Variants in ANKS1B observed in about 807,000 individuals in gnomAD.
ANKS1B encodes ankyrin repeat and sterile alpha motif domain-containing protein 1B.
A neutral mutation model predicts 148.3 loss-of-function variants in ANKS1B; 36 were observed. That is an observed-to-expected ratio of 0.24 (90% CI 0.19 to 0.32). ANKS1B has a LOEUF of 0.32. Ranked by LOEUF, ANKS1B falls within the 10% of genes least tolerant of loss-of-function variation. ANKS1B has a pLI of 1.00. For synonymous variants in ANKS1B, 542 were observed against 560.8 expected (o/e 0.97, Z 0.47); for missense variants, 1,157 against 1,542.6 (o/e 0.75, Z 4.19).
At chr12:99,779,703 A>G (rs988065873) in intron 6 of ANKS1B, among the ~76,000 whole-genome samples, 168 bp downstream of exon 6, 2 of 152,204 alleles carry the variant, frequency 1.3e-5, no homozygotes, top group Non-Finnish European at 2.9e-5. Context: ...AAACAAAAAT[A>G]AAACATTAAA....
At chr12:99,266,692 G>C (rs1330579781) in intron 12 of ANKS1B, among the ~76,000 whole-genome samples, 1 of 152,110 alleles carries the variant, frequency 6.6e-6, no homozygotes, top group Admixed American at 6.5e-5. Context: ...CCACTACCAA[G>C]TCTACAGTCA....
At chr12:99,259,653 T>A (rs190645088) in intron 12 of ANKS1B, among the ~76,000 whole-genome samples, 174 of 152,384 alleles carry the variant, frequency 1.1e-3, no homozygotes, top group Non-Finnish European at 1.9e-3. Flanking sequence ...CTGGGCAGAC[T>A]GTATTACTAA....
chr12:98,778,005 G>GTTC (rs1566376491), intron 24 of ANKS1B, among the ~76,000 whole-genome samples: 1 of 152,156 alleles, frequency 6.6e-6, no homozygotes, highest in Non-Finnish European at 1.5e-5. Flanking sequence ...AGTTTTAGTC[G>GTTC]TTCTTCACGA....
intron 11 of ANKS1B, among the ~76,000 whole-genome samples, chr12:99,422,831 A>T (rs61561979): frequency 0.11 from 16,816 of 152,148 alleles, 2,465 homozygotes; most frequent in African/African-American, 0.33. Flanking sequence ...TATTAAAGAG[A>T]TAAGAACAAA....
chr12:99,196,960 C>T (rs2153891576), intron 14 of ANKS1B, among the ~76,000 whole-genome samples: 1 of 152,220 alleles, frequency 6.6e-6, no homozygotes, highest in South Asian at 2.1e-4. Flanking sequence ...ACAGATAATT[C>T]CAGGCTTATA....
intron 25 of ANKS1B, among the ~76,000 whole-genome samples, chr12:98,757,939 T>TGTGTGTGTGTGTGTGTGCGCAC (rs59996852): frequency 1.7e-5 from 2 of 115,954 alleles, no homozygotes; most frequent in Non-Finnish European, 3.6e-5. Context: ...TGTGTGCACG[T>TGTGTGTGTGTGTGTGTGCGCAC]GTGTGTGTGT....
chr12:99,146,876 G>T (rs1480787220), intron 15 of ANKS1B, among the ~76,000 whole-genome samples: 1 of 152,144 alleles, frequency 6.6e-6, no homozygotes, highest in Non-Finnish European at 1.5e-5. Flanking sequence ...GCTCGAAACT[G>T]AAAGTAGGGT....
At chr12:98,815,693 G>A (rs1594568286) in intron 19 of ANKS1B, among the ~76,000 whole-genome samples, 1 of 152,056 alleles carries the variant, frequency 6.6e-6, no homozygotes, top group South Asian at 2.1e-4. Context: ...AGTTCCTCAG[G>A]TTCACAATGC....
chr12:99,248,144 T>C (rs1008345130), intron 12 of ANKS1B, among the ~76,000 whole-genome samples: 2 of 152,124 alleles, frequency 1.3e-5, no homozygotes, highest in Non-Finnish European at 2.9e-5. Context: ...GGCCAAAATA[T>C]CGAATTCTCA....
chr12:99,055,723 G>GGT (rs1565790619), intron 16 of ANKS1B, among the ~76,000 whole-genome samples: 1 of 149,482 alleles, frequency 6.7e-6, no homozygotes, highest in African/African-American at 2.5e-5. Context: ...TCTAAACTTG[G>GGT]GGGGGGGGGA....
At chr12:99,671,413 C>G (rs1182908458) in intron 8 of ANKS1B, among the ~76,000 whole-genome samples, 3 of 152,082 alleles carry the variant, frequency 2.0e-5, no homozygotes, top group Non-Finnish European at 4.4e-5. Flanking sequence ...GAAGAAGTCT[C>G]TCAACAGCCC....
intron 1 of ANKS1B, among the ~76,000 whole-genome samples, chr12:99,938,662 T>C (rs1047547499): frequency 2.6e-5 from 4 of 152,016 alleles, no homozygotes; most frequent in African/African-American, 9.7e-5. Context: ...AAAACCAGAG[T>C]TGGTCACACA....
rs78533684 is a variant in ANKS1B, at chr12:99,686,771, T to G, written c.1129-31561A>C. ...TATACTTTCATTTCCTCCTATCATT[T>G]TTGTGCTGTTGTTGCCATATATTTT... On this transcript the variant is annotated intron_variant, in intron 8 of 26. Coordinates refer to ENST00000683438, the MANE Select transcript of ANKS1B (RefSeq NM_001352186.2). Among the ~76,000 whole-genome samples, 343 of 152,296 alleles carry G rather than the reference T, an allele frequency of 2.3e-3. 8 individuals are homozygous for G. The East Asian group carries it at 0.057, about 25-fold the overall frequency.
intron 16 of ANKS1B, among the ~76,000 whole-genome samples, chr12:99,082,637 T>C (rs1431116896): frequency 6.6e-6 from 1 of 152,102 alleles, no homozygotes; most frequent in African/African-American, 2.4e-5. Flanking sequence ...AATGAGAACT[T>C]GATTCATGTA....
rs1172051779 is a variant in ANKS1B, at chr12:99,590,261, CA to C, written c.1272+64805del. Among the ~76,000 whole-genome samples, 62 of 127,050 alleles carry C rather than the reference CA, an allele frequency of 4.9e-4. 1 individual carries two copies. Among genetic ancestry groups the C allele is most frequent in the Middle Eastern group, 3.8e-3 (1 of 260 alleles). The allele number at this position is 127,050 out of a possible 152,430, so 83.3% of individuals were successfully genotyped here. A position where few individuals can be genotyped will look rare whatever the true frequency, so the allele number is the denominator to read the frequency against. ...ATTCACTCACACCCACACCCACCCACACACACACACACACACACACACACAC... is the reference window on the plus strand; with the variant it reads ...ATTCACTCACACCCACACCCACCCACCACACACACACACACACACACACAC... On this transcript the variant is annotated intron_variant, in intron 9 of 26. Transcript: ENST00000683438.
chr12:99,381,845 TA>T (rs1469314935), intron 12 of ANKS1B, among the ~76,000 whole-genome samples: 2 of 152,226 alleles, frequency 1.3e-5, no homozygotes, highest in African/African-American at 4.8e-5. Flanking sequence ...ATTATGCTCT[TA>T]ACTAATGAGA....
chr12:99,872,247 T>TGTGTGC, intron 1 of ANKS1B, among the ~76,000 whole-genome samples: 3 of 152,118 alleles, frequency 2.0e-5, no homozygotes, highest in Non-Finnish European at 4.4e-5. Flanking sequence ...AATGTGTATG[T>TGTGTGC]ATGTGCATGT....
intron 14 of ANKS1B, among the ~76,000 whole-genome samples, chr12:99,173,233 C>T (rs1414560666): frequency 6.6e-6 from 1 of 152,092 alleles, no homozygotes; most frequent in Non-Finnish European, 1.5e-5. Context: ...TGCTTATTTA[C>T]CTTCTTGATA....
intron 1 of ANKS1B, among the ~76,000 whole-genome samples, chr12:99,980,213 C>T (rs1051575798): frequency 1.3e-5 from 2 of 151,482 alleles, no homozygotes; most frequent in Non-Finnish European, 3.0e-5. Context: ...GAGCCAACAC[C>T]ATTACATGGC....
Sources: allele counts gnomAD v4.1 joint callset (sites outside exome capture counted in the v4.1 genomes callset), GRCh38; gene constraint gnomAD v4.1.1; transcripts MANE v1.5; gene names NCBI Gene and HGNC (gene_info 2026-07-23, HGNC 2026-07-21).